The following ZNF423 variants were observed in gnomAD, a reference collection of about 807,000 sequenced individuals.
ZNF423 encodes the protein Ebf-associated zinc finger protein.
A neutral mutation model predicts 95.8 loss-of-function variants in ZNF423; 12 were observed. The ratio of observed to expected loss-of-function variants is 0.13; its 90% CI spans 0.08 to 0.20. The LOEUF (loss-of-function observed/expected upper bound fraction) is 0.20, where lower values mean the gene tolerates loss of function less well. Ranked by LOEUF, ZNF423 falls within the 10% of genes least tolerant of loss-of-function variation. The pLI, the probability that ZNF423 is intolerant of heterozygous loss-of-function variation, is 1.00. For synonymous variants in ZNF423, 749 were observed against 711.9 expected (o/e 1.05, Z -0.83); for missense variants, 1,316 against 1,737.1 (o/e 0.76, Z 4.31).
intron 3 of ZNF423, among the ~76,000 whole-genome samples, chr16:49,697,759 G>C (rs1380668300): frequency 1.3e-5 from 2 of 152,274 alleles, no homozygotes; most frequent in East Asian, 3.8e-4. Context: ...GTGTGTCCCA[G>C]CGTGTGCACG....
intron 5 of ZNF423, among the ~76,000 whole-genome samples, chr16:49,622,422 G>A (rs1484983164): frequency 2.0e-5 from 3 of 147,212 alleles, no homozygotes; most frequent in Non-Finnish European, 4.5e-5. Context: ...AGACTCACCT[G>A]CTCTGCTCAC....
chr16:49,678,294 T>TTTTTGTTTTG (rs59840165), intron 3 of ZNF423, among the ~76,000 whole-genome samples: 5 of 111,198 alleles, frequency 4.5e-5, no homozygotes, highest in Middle Eastern at 5.1e-3. Flanking sequence ...AACTGTGAGG[T>TTTTTGTTTTG]TTTTGTTTTG....
Position 49,636,614 on chromosome 16 carries a change from G to T in ZNF423, c.2562C>A (p.Pro854=), listed in dbSNP as rs12599354. 0.013 allele frequency: 21,414 copies of T among 1,613,916 alleles called. 1,493 individuals are homozygous for T. The South Asian group carries it at 0.14, about 10-fold the overall frequency. ...GCTCAGCTTTCTTGGTGGCCATTGG[G>T]GGTACCCCATTGGCCGTGCCGTTCT... ...ATENGTANGV[P]PMATKKAEPA... is the part of the protein sequence containing the mutation. Residue 854 remains proline (P), a synonymous_variant, in exon 4 of 8, where the codon CCC becomes CCA. Transcript: ENST00000563137. The surrounding 1 kb of genome is among the most constrained non-coding windows in gnomAD (Gnocchi z 8.6).
At chr16:49,666,385 C>T (rs1248268999) in intron 3 of ZNF423, among the ~76,000 whole-genome samples, 1 of 152,178 alleles carries the variant, frequency 6.6e-6, no homozygotes, top group Non-Finnish European at 1.5e-5. Context: ...CCTACACACG[C>T]CAGTTACATT....
chr16:49,605,627 T>C (rs1596706662), intron 5 of ZNF423, among the ~76,000 whole-genome samples: 1 of 152,050 alleles, frequency 6.6e-6, no homozygotes, highest in Non-Finnish European at 1.5e-5. Context: ...AGAATTAAAA[T>C]ACTATTTTTC....
chr16:49,856,759 G>T (rs1407851955), upstream of ZNF423, among the ~76,000 whole-genome samples: 2 of 147,084 alleles, frequency 1.4e-5, no homozygotes, highest in African/African-American at 4.9e-5. Context: ...CGTGCGCCGG[G>T]CCGCCGCTGC....
chr16:49,506,609 T>C (rs1477722253), intron 7 of ZNF423, among the ~76,000 whole-genome samples: 3 of 139,602 alleles, frequency 2.1e-5, no homozygotes, highest in East Asian at 2.1e-4. Context: ...GATGAATGAA[T>C]AGATGGATGG....
chr16:49,690,761 G>A (rs1423913629), intron 3 of ZNF423, among the ~76,000 whole-genome samples: 1 of 152,134 alleles, frequency 6.6e-6, no homozygotes, highest in Non-Finnish European at 1.5e-5. Flanking sequence ...CACCCTATAG[G>A]GGCACACAGA....
intron 1 of ZNF423, among the ~76,000 whole-genome samples, chr16:49,834,496 G>A (rs2035095294): frequency 6.6e-6 from 1 of 152,202 alleles, no homozygotes; most frequent in African/African-American, 2.4e-5. Context: ...AGAGATTTAG[G>A]GGAAGAATGG....
chr16:49,547,692 C>T (rs1434382256), intron 5 of ZNF423, among the ~76,000 whole-genome samples: 2 of 152,212 alleles, frequency 1.3e-5, no homozygotes, highest in Non-Finnish European at 2.9e-5. Context: ...CCACAGCCAC[C>T]CAGCTCTCCA....
intron 3 of ZNF423, among the ~76,000 whole-genome samples, chr16:49,720,757 A>G (rs536625147): frequency 1.2e-4 from 19 of 152,190 alleles, no homozygotes; most frequent in Non-Finnish European, 2.1e-4. Context: ...GTCTGCATGT[A>G]ATTCCTACCT....
intron 7 of ZNF423, among the ~76,000 whole-genome samples, chr16:49,504,657 T>C (rs779014876): frequency 7.4e-4 from 113 of 152,198 alleles, no homozygotes; most frequent in Non-Finnish European, 1.5e-3. Context: ...GCTAAGACAC[T>C]CAGCGACATT....
At chr16:49,815,881 A>AAAATAT (rs1185501557) in intron 1 of ZNF423, among the ~76,000 whole-genome samples, 2 of 47,608 alleles carry the variant, frequency 4.2e-5, no homozygotes, top group South Asian at 9.2e-4. Context: ...AAAAAAAAAA[A>AAAATAT]ATATATATAT....
At chr16:49,676,349 C>T (rs1253425882) in intron 3 of ZNF423, among the ~76,000 whole-genome samples, 2 of 152,196 alleles carry the variant, frequency 1.3e-5, no homozygotes, top group Non-Finnish European at 2.9e-5. Flanking sequence ...CAGGAACTGG[C>T]AAGGGAGGGC....
chr16:49,742,729 A>G (rs993274814), intron 2 of ZNF423, among the ~76,000 whole-genome samples: 9 of 152,104 alleles, frequency 5.9e-5, no homozygotes, highest in African/African-American at 2.2e-4. Flanking sequence ...GACACTCCTA[A>G]TTGCTCTCAG....
intron 5 of ZNF423, among the ~76,000 whole-genome samples, chr16:49,621,550 G>T (rs972783953): frequency 6.6e-6 from 1 of 152,150 alleles, no homozygotes; most frequent in Non-Finnish European, 1.5e-5. Context: ...CGGGTCCCAG[G>T]GGAGGCCTGC....
At chr16:49,609,619 A>C (rs2151842108) in intron 5 of ZNF423, among the ~76,000 whole-genome samples, 1 of 152,338 alleles carries the variant, frequency 6.6e-6, no homozygotes, top group Admixed American at 6.5e-5. Flanking sequence ...GCCTAACAGC[A>C]GAAGAGAGAA....
At position 49,492,172 on chromosome 16, in the gene ZNF423, TTC is replaced by T. The variant is rs1237409640; in HGVS notation, c.3850-870_3850-869del. ...TGGCATCTGAAAGCCGTCTTTTTGT[TTC>T]TTTTCAGTGGTTCGTGTTCCAAATT... On this transcript the variant is annotated intron_variant, in intron 7 of 7. Transcript: ENST00000563137. This position sits in a 1 kb window ranked among gnomAD's most constrained non-coding sequence, Gnocchi z 4.2. 6.6e-6 allele frequency among the ~76,000 whole-genome samples: 1 copy of T among 152,232 alleles called. No individual in the cohort carries two copies. Among genetic ancestry groups the T allele is most frequent in the Non-Finnish European group, 1.5e-5 (1 of 68,036 alleles).
chr16:49,686,450 T>C (rs1296555857), intron 3 of ZNF423, among the ~76,000 whole-genome samples: 2 of 152,088 alleles, frequency 1.3e-5, no homozygotes, highest in African/African-American at 2.4e-5. Context: ...AGGTATCATG[T>C]ACAAAAACCT....
Sources: gnomAD v4.1 joint callset for allele counts (sites outside exome capture counted in the v4.1 genomes callset) on GRCh38, gnomAD v4.1.1 for gene constraint, Gnocchi (gnomAD v3.1) non-coding constraint, MANE v1.5 for transcripts, NCBI Gene and HGNC (gene_info 2026-07-23, HGNC 2026-07-21) for gene names.